The following MAML2 variants were observed in gnomAD, a reference collection of about 807,000 sequenced individuals.
The protein encoded by MAML2 is mastermind like transcriptional coactivator 2.
A neutral mutation model predicts 96.1 loss-of-function variants in MAML2; 22 were observed. The ratio of observed to expected loss-of-function variants is 0.23; its 90% CI spans 0.16 to 0.33. MAML2 has a LOEUF of 0.33. Among genes scored for constraint, MAML2 ranks in the 10% least tolerant of loss-of-function variants. The pLI, the probability that MAML2 is intolerant of heterozygous loss-of-function variation, is 1.00. For synonymous variants in MAML2, 561 were observed against 521.3 expected (o/e 1.08, Z -1.04); for missense variants, 1,367 against 1,392.4 (o/e 0.98, Z 0.29).
At chr11:96,076,586 T>C (rs2135793914) in intron 2 of MAML2, among the ~76,000 whole-genome samples, 1 of 152,258 alleles carries the variant, frequency 6.6e-6, no homozygotes, top group Non-Finnish European at 1.5e-5. Context: ...CCCATTCCCA[T>C]GGAAGTCAGG....
At chr11:95,985,781 T>C (rs988339075) in intron 3 of MAML2, 139 bp from the exon 4 acceptor site, 2 of 570,726 alleles carry the variant, frequency 3.5e-6, no homozygotes, top group South Asian at 2.5e-5. Context: ...CCTTATTTTG[T>C]AGTCTTAATT....
At chr11:96,216,956 T>C (rs941563403) in intron 1 of MAML2, among the ~76,000 whole-genome samples, 5 of 151,850 alleles carry the variant, frequency 3.3e-5, no homozygotes, top group African/African-American at 7.3e-5. Context: ...CACAAGCAAA[T>C]AGGTATGTAA....
intron 1 of MAML2, among the ~76,000 whole-genome samples, chr11:96,112,061 G>T (rs750844286): frequency 9.9e-5 from 15 of 152,244 alleles, no homozygotes; most frequent in South Asian, 6.2e-4. Context: ...CACGTGGAAG[G>T]CCAGAGAGAA....
intron 1 of MAML2, among the ~76,000 whole-genome samples, chr11:96,098,639 G>A (rs991601370): frequency 1.3e-5 from 2 of 152,160 alleles, no homozygotes; most frequent in Non-Finnish European, 2.9e-5. Flanking sequence ...TTTCACTCCC[G>A]TCCTTGTTCT....
intron 1 of MAML2, among the ~76,000 whole-genome samples, chr11:96,281,641 T>C (rs1863068062): frequency 6.6e-6 from 1 of 152,016 alleles, no homozygotes; most frequent in South Asian, 2.1e-4. Context: ...TGCAATGAAG[T>C]AGAGGGGATC....
intron 2 of MAML2, among the ~76,000 whole-genome samples, chr11:96,018,938 G>A (rs1196996159): frequency 2.6e-5 from 4 of 152,184 alleles, no homozygotes; most frequent in African/African-American, 9.6e-5. Flanking sequence ...ATCACTAATA[G>A]TTTTGACAAG....
intron 2 of MAML2, among the ~76,000 whole-genome samples, chr11:96,006,716 A>T (rs1591087443): frequency 2.0e-5 from 3 of 147,406 alleles, no homozygotes; most frequent in Middle Eastern, 3.6e-3. Flanking sequence ...GTGCCACCAT[A>T]CCTGGCTAAT....
At chr11:96,297,510 G>A (rs1230826754) in intron 1 of MAML2, among the ~76,000 whole-genome samples, 2 of 152,086 alleles carry the variant, frequency 1.3e-5, no homozygotes, top group African/African-American at 4.8e-5. Context: ...AGGAGGTGGA[G>A]GTTATAGTGA....
chr11:96,238,633 C>T (rs1445011520), intron 1 of MAML2, among the ~76,000 whole-genome samples: 1 of 152,162 alleles, frequency 6.6e-6, no homozygotes, highest in East Asian at 1.9e-4. Flanking sequence ...ACAAAACTTC[C>T]TTTATTGATA....
intron 1 of MAML2, among the ~76,000 whole-genome samples, chr11:96,315,304 G>T (rs1591128411): frequency 6.6e-6 from 1 of 152,114 alleles, no homozygotes; most frequent in Non-Finnish European, 1.5e-5. Flanking sequence ...TTAAAGGCTG[G>T]AAATGATAAC....
chr11:96,033,333 T>C (rs2135748083), intron 2 of MAML2, among the ~76,000 whole-genome samples: 1 of 152,354 alleles, frequency 6.6e-6, no homozygotes. Flanking sequence ...GAGTTCCTTC[T>C]CTGTCTTATC....
At chr11:96,233,978 A>G (rs1002037823) in intron 1 of MAML2, among the ~76,000 whole-genome samples, 6 of 152,240 alleles carry the variant, frequency 3.9e-5, no homozygotes, top group Admixed American at 6.5e-5. Context: ...TTCTTGCCTC[A>G]GTCAGCACTG....
At chr11:96,172,817 G>C (rs990321388) in intron 1 of MAML2, among the ~76,000 whole-genome samples, 3 of 152,224 alleles carry the variant, frequency 2.0e-5, no homozygotes, top group African/African-American at 7.2e-5. Context: ...TGGAATGAGA[G>C]ACTCTTCCAA....
At position 96,066,731 on chromosome 11, in the gene MAML2, G is replaced by A. The variant is rs144512584; in HGVS notation, c.2139+25161C>T. 3.5e-3 allele frequency among the ~76,000 whole-genome samples: 529 copies of A among 152,250 alleles called. 4 individuals carry two copies. The highest frequency in any genetic ancestry group is 0.012 in the African/African-American group (499 of 41,508). On this transcript the variant is annotated intron_variant, in intron 2 of 4. Transcript: ENST00000524717. ...ATATGACAGTGAACAAAACTAGGAAGGCTGCAGCTTTCATGGTGCTTAACT... is the reference window on the plus strand; with the variant it reads ...ATATGACAGTGAACAAAACTAGGAAAGCTGCAGCTTTCATGGTGCTTAACT...
chr11:96,104,251 TA>T (rs771700088), intron 1 of MAML2, among the ~76,000 whole-genome samples: 9 of 152,216 alleles, frequency 5.9e-5, no homozygotes, highest in Admixed American at 5.2e-4. Context: ...ATCTCATTCT[TA>T]ATATAATCCA....
Position 96,093,453 on chromosome 11 carries a change from T to A in MAML2, c.578A>T (p.Asn193Ile). The change falls in exon 2 of 5, where the codon AAT becomes ATT. Residue 193 changes from asparagine (N) to isoleucine (I), a missense_variant. By Grantham distance (149) the Asn-to-Ile change is moderately radical (BLOSUM62 -3). Transcript: ENST00000524717. ...NLSPANSKRP[N>I]GFVDNSFLDI... is the part of the protein sequence containing the mutation. ...AAGAAATGAGTTGTCCACAAAGCCATTGGGTCGCTTGCTGTTGGCAGGAGA... is the reference window on the plus strand; with the variant it reads ...AAGAAATGAGTTGTCCACAAAGCCAATGGGTCGCTTGCTGTTGGCAGGAGA... 6.2e-7 allele frequency: 1 copy of A among 1,613,972 alleles called. No individual in the cohort carries two copies.
chr11:96,158,006 G>T (rs1290377380), intron 1 of MAML2, among the ~76,000 whole-genome samples: 1 of 152,100 alleles, frequency 6.6e-6, no homozygotes, highest in Admixed American at 6.6e-5. Context: ...AGTTCAAGGA[G>T]AATTATCTAT....
intron 1 of MAML2, among the ~76,000 whole-genome samples, chr11:96,121,780 A>ATTTTTTGTTTT (rs1860346420): frequency 2.8e-5 from 1 of 35,238 alleles, no homozygotes; most frequent in Non-Finnish European, 4.9e-5. Context: ...CAACTGCGTG[A>ATTTTTTGTTTT]TTTTTTTTTT....
intron 2 of MAML2, among the ~76,000 whole-genome samples, chr11:96,090,486 T>C (rs933109697): frequency 6.6e-6 from 1 of 152,220 alleles, no homozygotes; most frequent in African/African-American, 2.4e-5. Context: ...GTGACACAGC[T>C]AAGACTGTCA....
Sources: allele counts gnomAD v4.1 joint callset (sites outside exome capture counted in the v4.1 genomes callset), GRCh38; gene constraint gnomAD v4.1.1; transcripts MANE v1.5; gene names NCBI Gene and HGNC (gene_info 2026-07-23, HGNC 2026-07-21).